Variants in ARAP2 observed in about 807,000 individuals in gnomAD.
The protein encoded by ARAP2 is ArfGAP with RhoGAP domain, ankyrin repeat and PH domain 2, also known as arf-GAP with Rho-GAP domain, ANK repeat and PH domain-containing protein 2.
ARAP2 carries 148 observed loss-of-function variants against 194.5 expected under a neutral mutation model. The ratio of observed to expected loss-of-function variants is 0.76; its 90% CI spans 0.67 to 0.87. The LOEUF (loss-of-function observed/expected upper bound fraction) is 0.87. Ranked by LOEUF, ARAP2 falls within the 40% of genes least tolerant of loss-of-function variation. ARAP2 has a pLI of 0.00. For missense variants in ARAP2, 2,128 were observed against 1,989.7 expected (o/e 1.07, Z -1.32); for synonymous variants, 695 against 683.5 (o/e 1.02, Z -0.26).
chr4:36,074,537 A>G (rs1727794658), intron 31 of ARAP2, among the ~76,000 whole-genome samples: 1 of 152,062 alleles, frequency 6.6e-6, no homozygotes, highest in African/African-American at 2.4e-5. Context: ...TATACATATA[A>G]AAAATTCTTT....
chr4:36,014,234 AAAG>A (rs1178300601), intron 8 of ARAP2, among the ~76,000 whole-genome samples: 4 of 76,314 alleles, frequency 5.2e-5, no homozygotes, highest in Non-Finnish European at 1.2e-4. Context: ...CGAAAGAAAG[AAAG>A]AAAGAAAGAA....
downstream of ARAP2, among the ~76,000 whole-genome samples, chr4:36,063,934 C>A (rs952623805): frequency 1.3e-5 from 2 of 152,150 alleles, no homozygotes; most frequent in Admixed American, 6.5e-5. Context: ...ACATTTAATG[C>A]ATTTACAAAA....
At chr4:36,040,767 A>ATCATG (rs1720727305) in intron 5 of ARAP2, among the ~76,000 whole-genome samples, 1 of 152,144 alleles carries the variant, frequency 6.6e-6, no homozygotes, top group Non-Finnish European at 1.5e-5. Flanking sequence ...TAGATAGGAA[A>ATCATG]TCATGTCGTC....
At chr4:36,096,374 A>AAAAAAAAAAAAAAAAG (rs796310005) in intron 27 of ARAP2, among the ~76,000 whole-genome samples, 5 of 142,082 alleles carry the variant, frequency 3.5e-5, no homozygotes, top group Admixed American at 1.4e-4. Context: ...AAAAAAAAAA[A>AAAAAAAAAAAAAAAAG]AAAAAAGAAA....
chr4:36,171,135 C>T (rs1264026768), intron 9 of ARAP2, among the ~76,000 whole-genome samples: 1 of 152,154 alleles, frequency 6.6e-6, no homozygotes, highest in African/African-American at 2.4e-5. Flanking sequence ...GTAGCACCTA[C>T]AGCATCAGTT....
chr4:36,047,499 T>A (rs568379516), intron 3 of ARAP2, among the ~76,000 whole-genome samples: 36 of 152,338 alleles, frequency 2.4e-4, no homozygotes, highest in African/African-American at 7.9e-4. Context: ...AAATTTTAGA[T>A]TCATGCTTTC....
chr4:36,108,338 T>A (rs1016181024), intron 26 of ARAP2, among the ~76,000 whole-genome samples: 7 of 152,020 alleles, frequency 4.6e-5, no homozygotes, highest in Non-Finnish European at 8.8e-5. Flanking sequence ...ATCATAATCC[T>A]TTGTTTATCC....
At chr4:36,102,503 G>A (rs925708533) in intron 27 of ARAP2, among the ~76,000 whole-genome samples, 4 of 151,922 alleles carry the variant, frequency 2.6e-5, no homozygotes, top group African/African-American at 9.7e-5. Context: ...CTTTTAGTGA[G>A]TAAGAGTAAA....
intron 7 of ARAP2, among the ~76,000 whole-genome samples, chr4:36,190,673 G>T (rs1474637121): frequency 2.6e-5 from 4 of 152,156 alleles, no homozygotes; most frequent in Non-Finnish European, 4.4e-5. Context: ...ATGTCACACA[G>T]TTGGAGAAAA....
At chr4:36,128,470 T>A in intron 21 of ARAP2, 63 bp downstream of exon 21, 1 of 465,822 alleles carries the variant, frequency 2.1e-6, no homozygotes, top group Non-Finnish European at 2.9e-6. Context: ...TATTATGGTC[T>A]ATATTATACA....
intron 5 of ARAP2, among the ~76,000 whole-genome samples, chr4:36,038,539 A>AT (rs1720316118): frequency 6.6e-6 from 1 of 152,226 alleles, no homozygotes; most frequent in Non-Finnish European, 1.5e-5. Context: ...ACAGTTATTT[A>AT]TATTTTACTG....
intron 19 of ARAP2, among the ~76,000 whole-genome samples, chr4:36,141,737 A>G (rs776826803): frequency 1.3e-5 from 2 of 151,718 alleles, no homozygotes; most frequent in African/African-American, 4.8e-5. Context: ...TCAAGCTGTT[A>G]CTAGCAAAAA....
At chr4:36,198,493 C>T (rs970060143) in intron 6 of ARAP2, among the ~76,000 whole-genome samples, 10 of 152,218 alleles carry the variant, frequency 6.6e-5, no homozygotes, top group African/African-American at 2.4e-4. Context: ...TGCTGCTGTT[C>T]ATGGCGCCCA....
intron 5 of ARAP2, among the ~76,000 whole-genome samples, chr4:36,039,380 T>C (rs751780736): frequency 4.6e-5 from 7 of 152,204 alleles, no homozygotes; most frequent in Non-Finnish European, 8.8e-5. Flanking sequence ...CCTATAGTTT[T>C]CTCAGGCCCA....
chr4:36,139,118 T>C (rs2031551633), intron 19 of ARAP2, among the ~76,000 whole-genome samples: 1 of 151,672 alleles, frequency 6.6e-6, no homozygotes, highest in Non-Finnish European at 1.5e-5. Context: ...TTATTAACCA[T>C]GTTGCTTAAA....
intron 20 of ARAP2, among the ~76,000 whole-genome samples, chr4:36,132,616 T>A (rs2109610594): frequency 6.6e-6 from 1 of 151,912 alleles, no homozygotes; most frequent in East Asian, 1.9e-4. Context: ...TTCAGGCATA[T>A]CTAAAATACT....
chr4:36,102,579 A>ACT, intron 27 of ARAP2, among the ~76,000 whole-genome samples: 1 of 152,186 alleles, frequency 6.6e-6, no homozygotes, highest in African/African-American at 2.4e-5. Flanking sequence ...TCCTTGAATA[A>ACT]GACACATTCA....
At position 36,147,590 on chromosome 4, in the gene ARAP2, C is replaced by G. The variant is rs768761954; in HGVS notation, c.3157G>C (p.Val1053Leu). 4 of 1,613,590 alleles carry G rather than the reference C, an allele frequency of 2.5e-6. No individual in the cohort carries two copies. The South Asian group carries it at 4.4e-5, about 18-fold the overall frequency. ...CTTAAGTGCATTCTATCTCCCTGAA[C>G]TTCTTGCATTTGAAGGCAAAAATGC... ...SLHFCLQMQEVQGDRMHLRRL... is the reference protein window; with the variant it reads ...SLHFCLQMQELQGDRMHLRRL... Residue 1053 changes from valine to leucine, a missense_variant, in exon 18 of 33, where the codon GTT (valine) becomes CTT (leucine). Val to Leu is a conservative substitution (Grantham distance 32). Transcript: ENST00000303965.
chr4:36,100,155 T>C (rs1716466727), intron 27 of ARAP2, among the ~76,000 whole-genome samples: 1 of 152,036 alleles, frequency 6.6e-6, no homozygotes, highest in Admixed American at 6.6e-5. Context: ...CATCCCAGTT[T>C]CTCCATTTGT....
Sources: allele counts gnomAD v4.1 joint callset (sites outside exome capture counted in the v4.1 genomes callset), GRCh38; gene constraint gnomAD v4.1.1; transcripts MANE v1.5; gene names NCBI Gene and HGNC (gene_info 2026-07-23, HGNC 2026-07-21).